Variants in NOX4 observed in about 807,000 individuals in gnomAD.
NOX4 encodes the protein NADPH oxidase 4, also known as kidney oxidase-1.
In NOX4, 69 loss-of-function variants were observed where a neutral mutation model predicts 87.6. The observed-to-expected ratio is 0.79, with a 90% confidence interval of 0.65 to 0.96. The LOEUF (loss-of-function observed/expected upper bound fraction) is 0.96, where lower values mean the gene tolerates loss of function less well. Ranked by LOEUF, NOX4 falls within the 40% of genes least tolerant of loss-of-function variation. The pLI, the probability that NOX4 is intolerant of heterozygous loss-of-function variation, is 0.00. For missense variants in NOX4, 680 were observed against 681.5 expected, an observed-to-expected ratio of 1.00 and a Z score of 0.02; for synonymous variants, 275 against 238.2, an observed-to-expected ratio of 1.15 and a Z score of -1.42.
At chr11:89,363,436 C>G (rs796967846) in intron 12 of NOX4, among the ~76,000 whole-genome samples, 16 of 152,052 alleles carry the variant, frequency 1.1e-4, no homozygotes, top group African/African-American at 3.9e-4. Context: ...ATACTGTGAA[C>G]AAAACAAATT....
Position 89,326,057 on chromosome 11 carries a change from TG to T in NOX4, c.*698del, listed in dbSNP as rs1215857816. 1 of 151,202 alleles carries T rather than the reference TG, an allele frequency of 6.6e-6. No homozygotes were observed. Among genetic ancestry groups the T allele is most frequent in the Non-Finnish European group, 1.5e-5 (1 of 67,834 alleles). 9.4% of individuals were successfully genotyped at this position (151,202 alleles called of 1,614,324 possible). The stretch of plus-strand genomic sequence containing the variant: ...ATGAAAGGGACCTATTAAATCATTA[TG>T]TCTAATGCATGCTAAGGGAAGGCAT... On this transcript the variant is annotated 3_prime_UTR_variant, in exon 18 of 18. Coordinates refer to ENST00000263317, the MANE Select transcript of NOX4 (RefSeq NM_016931.5).
At position 89,337,490 on chromosome 11, in the gene NOX4, T is replaced by A. The variant is rs373220761; in HGVS notation, c.1472A>T (p.Tyr491Phe). ...NKFWQENRPD[Y>F]VNIQLYLSQT... ...ACTGAGGTACAGCTGGATGTTGACATAGTCAGGTCTGTTCTCTTGCCAAAA... is the reference window on the plus strand; with the variant it reads ...ACTGAGGTACAGCTGGATGTTGACAAAGTCAGGTCTGTTCTCTTGCCAAAA... Residue 491 changes from tyrosine (Y) to phenylalanine (F), a missense_variant, in exon 16 of 18, where the codon TAT becomes TTT. By Grantham distance (22) the Tyr-to-Phe change is conservative (BLOSUM62 3). Transcript: ENST00000263317. 5 of 1,612,244 alleles carry A rather than the reference T, an allele frequency of 3.1e-6. No individual in the cohort carries two copies. In the South Asian group the frequency reaches 5.5e-5, roughly 18 times the overall value.
chr11:89,331,849 CGT>C (rs1945487574), intron 17 of NOX4, among the ~76,000 whole-genome samples: 1 of 151,230 alleles, frequency 6.6e-6, no homozygotes, highest in South Asian at 2.1e-4. Flanking sequence ...ATATCCTCTC[CGT>C]GTGTGTGCGA....
At chr11:89,405,029 G>A (rs1329736576) in intron 8 of NOX4, among the ~76,000 whole-genome samples, 1 of 148,934 alleles carries the variant, frequency 6.7e-6, no homozygotes, top group Non-Finnish European at 1.5e-5. Flanking sequence ...CAAATCAGAT[G>A]GTTAAATAGG....
At chr11:89,392,006 C>A (rs948583685) in intron 11 of NOX4, among the ~76,000 whole-genome samples, 3 of 150,938 alleles carry the variant, frequency 2.0e-5, no homozygotes, top group African/African-American at 7.3e-5. Flanking sequence ...CCTGTGCCCC[C>A]TCTCCCGACC....
Position 89,373,286 on chromosome 11 carries a change from A to AC in NOX4, c.1135+145_1135+146insG. 1.7e-5 allele frequency: 8 copies of AC among 478,800 alleles called. No individual in the cohort carries two copies. In the East Asian group the frequency reaches 2.0e-4, roughly 12 times the overall value. The allele number at this position is 478,800 out of a possible 1,614,324, so 29.7% of individuals were successfully genotyped here. The stretch of plus-strand genomic sequence containing the variant: ...GTCAAAACTGTACAAGCAAAAAAAA[A>AC]AAAAAAAAAAAACAAAAAAAAACCC... On this transcript the variant is annotated intron_variant, in intron 12 of 17. Transcript: ENST00000263317.
At chr11:89,388,221 A>G (rs1248608924) in intron 11 of NOX4, among the ~76,000 whole-genome samples, 1 of 152,164 alleles carries the variant, frequency 6.6e-6, no homozygotes, top group Non-Finnish European at 1.5e-5. Flanking sequence ...ACTGTGCTGC[A>G]CTGCTCAGAC....
intron 5 of NOX4, among the ~76,000 whole-genome samples, chr11:89,441,651 A>T (rs1944459403): frequency 6.6e-6 from 1 of 152,190 alleles, no homozygotes; most frequent in Non-Finnish European, 1.5e-5. Context: ...ACCCATAAAA[A>T]TATCATATGG....
intron 2 of NOX4, among the ~76,000 whole-genome samples, chr11:89,468,702 A>G (rs964100890): frequency 2.0e-5 from 3 of 151,990 alleles, no homozygotes; most frequent in Non-Finnish European, 4.4e-5. Flanking sequence ...GTATTCTTAT[A>G]TTTTTCCCTC....
At chr11:89,455,401 C>T (rs1945146296) in intron 2 of NOX4, among the ~76,000 whole-genome samples, 1 of 152,042 alleles carries the variant, frequency 6.6e-6, no homozygotes, top group Non-Finnish European at 1.5e-5. Flanking sequence ...CTACTCTTTT[C>T]CTGCACCCAG....
the NOX4 span, among the ~76,000 whole-genome samples, chr11:89,521,302 CA>C: frequency 6.6e-6 from 1 of 152,006 alleles, no homozygotes; most frequent in African/African-American, 2.4e-5. Flanking sequence ...CTGCAATAAC[CA>C]AAATGGCATA....
At chr11:89,457,559 T>C (rs543610146) in intron 2 of NOX4, among the ~76,000 whole-genome samples, 1 of 152,182 alleles carries the variant, frequency 6.6e-6, no homozygotes, top group Admixed American at 6.6e-5. Context: ...GAGGGCCTAG[T>C]ACAGCCATCC....
chr11:89,382,090 C>T (rs1320296693), intron 11 of NOX4, among the ~76,000 whole-genome samples: 1 of 152,116 alleles, frequency 6.6e-6, no homozygotes, highest in Non-Finnish European at 1.5e-5. Context: ...CTGATCACCG[C>T]AGGGACTCCT....
chr11:89,428,017 T>G (rs1256282478), intron 7 of NOX4, among the ~76,000 whole-genome samples: 1 of 152,172 alleles, frequency 6.6e-6, no homozygotes, highest in Non-Finnish European at 1.5e-5. Context: ...TAACAGCTGA[T>G]CTCTCAGCAG....
the NOX4 span, among the ~76,000 whole-genome samples, chr11:89,518,834 C>G: frequency 9.1e-4 from 139 of 152,132 alleles, 1 homozygote; most frequent in Non-Finnish European, 7.4e-5. Context: ...AAAATATACT[C>G]TATTTTTAAA....
At chr11:89,476,445 A>G (rs1020805193) in intron 2 of NOX4, among the ~76,000 whole-genome samples, 2 of 152,174 alleles carry the variant, frequency 1.3e-5, no homozygotes, top group African/African-American at 4.8e-5. Flanking sequence ...GCTGAAAACT[A>G]GTTATTAAAA....
intron 13 of NOX4, among the ~76,000 whole-genome samples, chr11:89,350,996 G>C (rs1446148513): frequency 4.6e-5 from 7 of 152,170 alleles, no homozygotes; most frequent in Non-Finnish European, 7.3e-5. Flanking sequence ...TAGTGAGGAA[G>C]GCATGTTGAA....
the NOX4 span, among the ~76,000 whole-genome samples, chr11:89,581,589 C>T: frequency 6.6e-6 from 1 of 152,062 alleles, no homozygotes; most frequent in Non-Finnish European, 1.5e-5. Flanking sequence ...TTGGACTCCA[C>T]GTCAGACATC....
chr11:89,432,878 G>C, intron 6 of NOX4, 22 bp from the exon 7 acceptor site: 1 of 1,523,794 alleles, frequency 6.6e-7, no homozygotes, highest in Non-Finnish European at 9.1e-7. Flanking sequence ...TATACAAGTA[G>C]GTTTTTACTT....
Sources: allele counts gnomAD v4.1 joint callset (sites outside exome capture counted in the v4.1 genomes callset), GRCh38; gene constraint gnomAD v4.1.1; transcripts MANE v1.5; gene names NCBI Gene and HGNC (gene_info 2026-07-23, HGNC 2026-07-21).